Variants in WNT10A observed in about 807,000 individuals in gnomAD.
The protein encoded by WNT10A is protein Wnt-10a.
In WNT10A, 37 loss-of-function variants were observed where a neutral mutation model predicts 36.1. The ratio of observed to expected loss-of-function variants is 1.02; its 90% CI spans 0.79 to 1.35. The LOEUF is 1.35. WNT10A is among the 40% of genes most tolerant of loss of function. WNT10A has a pLI of 0.00. For synonymous variants in WNT10A, 255 were observed against 254.1 expected (o/e 1.00, Z -0.03); for missense variants, 613 against 601.4 (o/e 1.02, Z -0.20).
intron 2 of WNT10A, among the ~76,000 whole-genome samples, chr2:218,885,009 C>A (rs1391772296): frequency 1.3e-5 from 2 of 152,148 alleles, no homozygotes; most frequent in East Asian, 1.9e-4. Flanking sequence ...ACCTAATTGT[C>A]CTGACACCTT....
intron 2 of WNT10A, among the ~76,000 whole-genome samples, chr2:218,886,361 G>C (rs534873694): frequency 6.6e-6 from 1 of 152,322 alleles, no homozygotes; most frequent in East Asian, 1.9e-4. Flanking sequence ...TTTGCATGGA[G>C]AGAATGGAGA....
In WNT10A at chr2:218,892,939, G is replaced by A; in HGVS notation, c.922G>A (p.Gly308Ser). ...CATCCGGCCGCACAACCGCAACGGC[G>A]GCCAGCTGGAGCCGGGCCCAGCGGG... ...TLIRPHNRNG[G>S]QLEPGPAGAP... The change falls in exon 4 of 4, where the codon GGC (glycine) becomes AGC (serine). Residue 308 changes from glycine to serine, a missense_variant. Gly to Ser is a moderately conservative substitution (Grantham distance 56). Coordinates refer to ENST00000258411, the MANE Select transcript of WNT10A (RefSeq NM_025216.3). The A allele has an allele frequency of 2.0e-6, 3 of 1,476,264 alleles. No homozygotes were observed. Among genetic ancestry groups the A allele is most frequent in the African/African-American group, 1.5e-5 (1 of 68,700 alleles). The allele number at this position is 1,476,264 out of a possible 1,614,324, so 91.4% of individuals were successfully genotyped here.
At chr2:218,889,326 G>A (rs996733763) in intron 2 of WNT10A, among the ~76,000 whole-genome samples, 1 of 152,216 alleles carries the variant, frequency 6.6e-6, no homozygotes, top group African/African-American at 2.4e-5. Flanking sequence ...CTTGTTGGTT[G>A]ATGGGCATTT....
In WNT10A at chr2:218,893,028, C is replaced by T. The variant is rs748769072; in HGVS notation, c.1011C>T (p.Val337=). 1.3e-6 allele frequency: 2 copies of T among 1,594,816 alleles called. No homozygotes were observed. Among genetic ancestry groups the T allele is most frequent in the East Asian group, 2.2e-5 (1 of 44,710 alleles). ...PRRRASPADL[V]YFEKSPDFCE... ...GACGGGCCAGCCCCGCCGACCTGGT[C>T]TACTTCGAAAAGTCTCCCGACTTCT... Residue 337 remains valine (V), a synonymous_variant, in exon 4 of 4, where the codon GTC becomes GTT. Coordinates refer to ENST00000258411, the MANE Select transcript of WNT10A (RefSeq NM_025216.3). This position sits in a 1 kb window ranked among gnomAD's most constrained non-coding sequence, Gnocchi z 6.3.
chr2:218,892,666 G>T, intron 3 of WNT10A, 108 bp from the exon 4 acceptor site: 3 of 1,497,642 alleles, frequency 2.0e-6, no homozygotes, highest in Non-Finnish European at 2.7e-6. Flanking sequence ...CGGCCTCAGC[G>T]TTTGCCTCTG....
chr2:218,876,158 T>C (rs537096567), upstream of WNT10A, among the ~76,000 whole-genome samples: 16 of 152,334 alleles, frequency 1.1e-4, no homozygotes, highest in Non-Finnish European at 1.8e-4. Flanking sequence ...CTTTCCCAGT[T>C]GTCTCCAACA....
chr2:218,886,308 GTCTC>G (rs889951982), intron 2 of WNT10A, among the ~76,000 whole-genome samples: 11 of 152,066 alleles, frequency 7.2e-5, no homozygotes, highest in Non-Finnish European at 1.0e-4. Context: ...ATGCACACTA[GTCTC>G]TCTCTCTCTG....
At chr2:218,887,623 G>A (rs1271032447) in intron 2 of WNT10A, among the ~76,000 whole-genome samples, 1 of 152,172 alleles carries the variant, frequency 6.6e-6, no homozygotes, top group Non-Finnish European at 1.5e-5. Flanking sequence ...AAGAGAGAGG[G>A]ACAGTCTGCT....
At chr2:218,882,444 C>T (rs774785215) in intron 2 of WNT10A, 21 bp downstream of exon 2, 1 of 1,613,608 alleles carries the variant, frequency 6.2e-7, no homozygotes. Flanking sequence ...CTCACCCCTG[C>T]CCCTGCCTGC....
At chr2:218,875,159 CTTTTTTTTTTTTTTTTTTTTTTTTTTTT>C in the WNT10A span, among the ~76,000 whole-genome samples, 132 of 36,860 alleles carry the variant, frequency 3.6e-3, 1 homozygote, top group African/African-American at 4.4e-3. Context: ...GACTGACTTT[CTTTTTTTTTTTTTTTTTTTTTTTTTTTT>C]TTTTTTTTTT....
At chr2:218,886,468 C>T (rs531855341) in intron 2 of WNT10A, among the ~76,000 whole-genome samples, 2 of 152,202 alleles carry the variant, frequency 1.3e-5, no homozygotes, top group Non-Finnish European at 2.9e-5. Flanking sequence ...AATCCTCTCT[C>T]CTCCACCCTC....
At position 218,892,919 on chromosome 2, in the gene WNT10A, G is replaced by C. The variant is rs777460453; in HGVS notation, c.902G>C (p.Arg301Pro). 2.0e-5 allele frequency: 30 copies of C among 1,508,852 alleles called. 1 individual carries two copies. Among genetic ancestry groups the C allele is most frequent in the South Asian group, 2.0e-4 (16 of 80,720 alleles). The allele number at this position is 1,508,852 out of a possible 1,614,324, so 93.5% of individuals were successfully genotyped here. A position where few individuals can be genotyped will look rare whatever the true frequency, so the allele number is the denominator to read the frequency against. Reference protein sequence around the residue: ...RSRFHRATLIRPHNRNGGQLE... With the variant: ...RSRFHRATLIPPHNRNGGQLE... ...CGCTTCCACCGCGCCACGCTCATCCGGCCGCACAACCGCAACGGCGGCCAG... is the reference window on the plus strand; with the variant it reads ...CGCTTCCACCGCGCCACGCTCATCCCGCCGCACAACCGCAACGGCGGCCAG... The change falls in exon 4 of 4, where the codon CGG (arginine) becomes CCG (proline). Residue 301 changes from arginine to proline, a missense_variant. Coordinates refer to ENST00000258411, the MANE Select transcript of WNT10A (RefSeq NM_025216.3).
At chr2:218,890,403 C>T (rs1944637768) in intron 3 of WNT10A, 40 bp downstream of exon 3, 1 of 1,598,712 alleles carries the variant, frequency 6.3e-7, no homozygotes, top group Non-Finnish European at 8.5e-7. Flanking sequence ...AATCTCTTTG[C>T]CTAGGGCCTA....
At chr2:218,892,657 G>A (rs1050936097) in intron 3 of WNT10A, 117 bp from the exon 4 acceptor site, 29 of 1,473,878 alleles carry the variant, frequency 2.0e-5, no homozygotes, top group Non-Finnish European at 2.5e-5. Flanking sequence ...CCTCGCTCCC[G>A]GCCTCAGCGT....
chr2:218,891,533 T>C (rs148313049), intron 3 of WNT10A, among the ~76,000 whole-genome samples: 9 of 152,226 alleles, frequency 5.9e-5, no homozygotes, highest in Non-Finnish European at 1.3e-4. Context: ...TACCCTTGGG[T>C]CATGTCCAGC....
intron 2 of WNT10A, among the ~76,000 whole-genome samples, chr2:218,882,953 C>A (rs1944535158): frequency 2.6e-5 from 4 of 152,192 alleles, no homozygotes; most frequent in African/African-American, 9.7e-5. Flanking sequence ...TCTGGAAAAC[C>A]CTCTCTGAAT....
intron 2 of WNT10A, among the ~76,000 whole-genome samples, chr2:218,886,370 G>C (rs1233259943): frequency 6.6e-6 from 1 of 152,180 alleles, no homozygotes; most frequent in Non-Finnish European, 1.5e-5. Flanking sequence ...AGAGAATGGA[G>C]ACCAGACCTC....
the WNT10A span, among the ~76,000 whole-genome samples, chr2:218,874,414 A>C: frequency 6.6e-6 from 1 of 152,202 alleles, no homozygotes; most frequent in Non-Finnish European, 1.5e-5. Flanking sequence ...CTCCTGTCAC[A>C]CATCTAGGTC....
intron 1 of WNT10A, among the ~76,000 whole-genome samples, chr2:218,881,570 T>TGTG (rs1205089452): frequency 2.4e-3 from 334 of 139,356 alleles, no homozygotes; most frequent in African/African-American, 7.8e-3. Flanking sequence ...GTGTGTGTGT[T>TGTG]TTCAATCGAG....
Sources: allele counts gnomAD v4.1 joint callset (sites outside exome capture counted in the v4.1 genomes callset), GRCh38; gene constraint gnomAD v4.1.1; non-coding constraint Gnocchi (gnomAD v3.1); transcripts MANE v1.5; gene names NCBI Gene and HGNC (gene_info 2026-07-23, HGNC 2026-07-21).